LRP1B: variants seen among roughly 807,000 people sequenced by gnomAD.
LRP1B encodes the protein LDL receptor related protein 1B.
In LRP1B, 217 loss-of-function variants were observed where a neutral mutation model predicts 556.6. The ratio of observed to expected loss-of-function variants is 0.39; its 90% confidence interval spans 0.35 to 0.44. The LOEUF is 0.44. LRP1B is among the 20% of genes least tolerant of loss of function. The pLI is 1.00. For synonymous variants in LRP1B, 2,047 were observed against 1,865.8 expected (o/e 1.10, Z -2.50); for missense variants, 5,053 against 5,620.8 (o/e 0.90, Z 3.23).
chr2:141,588,135 G>T (rs1165055782), intron 2 of LRP1B, among the ~76,000 whole-genome samples: 1 of 152,126 alleles, frequency 6.6e-6, no homozygotes, highest in African/African-American at 2.4e-5. Flanking sequence ...AAAAATATAA[G>T]TTATCTTGAG....
chr2:141,514,945 T>C (rs1222060549), intron 2 of LRP1B, among the ~76,000 whole-genome samples: 1 of 152,144 alleles, frequency 6.6e-6, no homozygotes, highest in East Asian at 1.9e-4. Flanking sequence ...TATAAACAAG[T>C]TTCTTTTGAG....
intron 59 of LRP1B, among the ~76,000 whole-genome samples, chr2:140,484,573 T>C (rs1688386954): frequency 6.6e-6 from 1 of 152,184 alleles, no homozygotes; most frequent in African/African-American, 2.4e-5. Context: ...GTTGAACTTC[T>C]CCAAAGATCA....
At chr2:141,252,611 T>G (rs1238025854) in intron 4 of LRP1B, among the ~76,000 whole-genome samples, 1 of 152,170 alleles carries the variant, frequency 6.6e-6, no homozygotes, top group East Asian at 1.9e-4. Context: ...AACTTTAATA[T>G]TATTGGTTTC....
intron 41 of LRP1B, among the ~76,000 whole-genome samples, chr2:140,692,637 A>T (rs965730943): frequency 2.6e-5 from 4 of 152,104 alleles, no homozygotes; most frequent in African/African-American, 7.2e-5. Context: ...GTCCCCTAGC[A>T]TAACTTGTCC....
intron 32 of LRP1B, among the ~76,000 whole-genome samples, chr2:140,806,469 T>C (rs536077178): frequency 1.3e-3 from 193 of 152,192 alleles, no homozygotes; most frequent in African/African-American, 4.5e-3. Flanking sequence ...ACTGTGCATA[T>C]AGTAGAATAG....
At chr2:141,654,148 G>C (rs577207078) in intron 2 of LRP1B, among the ~76,000 whole-genome samples, 11 of 152,300 alleles carry the variant, frequency 7.2e-5, no homozygotes, top group African/African-American at 2.4e-4. Flanking sequence ...GATGAAGCTA[G>C]AGTGGGTCCA....
At chr2:140,360,211 C>T (rs1055308743) in intron 72 of LRP1B, among the ~76,000 whole-genome samples, 3 of 151,504 alleles carry the variant, frequency 2.0e-5, no homozygotes, top group East Asian at 1.9e-4. Flanking sequence ...CTATCTTGCT[C>T]GTGCCAATCC....
chr2:141,484,338 C>A (rs1379084498), intron 2 of LRP1B, among the ~76,000 whole-genome samples: 1 of 149,586 alleles, frequency 6.7e-6, no homozygotes, highest in Non-Finnish European at 1.5e-5. Context: ...ATTTTGGTAC[C>A]AGTACCATGC....
intron 83 of LRP1B, among the ~76,000 whole-genome samples, chr2:140,310,019 G>T (rs1166195387): frequency 2.6e-5 from 4 of 151,848 alleles, no homozygotes; most frequent in African/African-American, 9.6e-5. Context: ...CTCTTGCTGA[G>T]TGTTTCAAAA....
At chr2:141,942,182 T>A (rs1195613171) in intron 1 of LRP1B, among the ~76,000 whole-genome samples, 2 of 152,064 alleles carry the variant, frequency 1.3e-5, no homozygotes, top group Non-Finnish European at 2.9e-5. Flanking sequence ...TGTTCTCTCC[T>A]CAACCAACCT....
At chr2:141,602,238 T>C (rs1687772899) in intron 2 of LRP1B, among the ~76,000 whole-genome samples, 1 of 152,144 alleles carries the variant, frequency 6.6e-6, no homozygotes, top group African/African-American at 2.4e-5. Context: ...CATAAACATT[T>C]TGTAGGGTAA....
chr2:141,923,062 G>GC (rs1474716360), intron 1 of LRP1B, among the ~76,000 whole-genome samples: 1 of 151,982 alleles, frequency 6.6e-6, no homozygotes, highest in Non-Finnish European at 1.5e-5. Context: ...TTGTACCACT[G>GC]CACTCCAGCC....
intron 1 of LRP1B, among the ~76,000 whole-genome samples, chr2:142,096,267 G>A (rs1009957624): frequency 4.6e-5 from 7 of 151,572 alleles, no homozygotes; most frequent in African/African-American, 9.7e-5. Flanking sequence ...ACTAAGACTC[G>A]GTAACAGTGT....
At chr2:140,988,195 G>C (rs935106090) in intron 17 of LRP1B, among the ~76,000 whole-genome samples, 20 of 152,072 alleles carry the variant, frequency 1.3e-4, no homozygotes, top group African/African-American at 4.1e-4. Context: ...GTTAAGTTTA[G>C]GCAAGTTCCC....
At chr2:141,108,890 A>T (rs1469434461) in intron 7 of LRP1B, among the ~76,000 whole-genome samples, 1 of 152,128 alleles carries the variant, frequency 6.6e-6, no homozygotes, top group Non-Finnish European at 1.5e-5. Flanking sequence ...CCCTTCTCTG[A>T]ACTAACCCCC....
chr2:140,581,945 T>G (rs764983860), intron 43 of LRP1B, among the ~76,000 whole-genome samples: 66 of 152,280 alleles, frequency 4.3e-4, no homozygotes, highest in African/African-American at 1.4e-3. Context: ...ATTGTTTCCG[T>G]GTATCCCCTA....
At chr2:141,353,438 G>T (rs1688515279) in intron 3 of LRP1B, among the ~76,000 whole-genome samples, 1 of 151,892 alleles carries the variant, frequency 6.6e-6, no homozygotes, top group Non-Finnish European at 1.5e-5. Context: ...AGTATTGCCT[G>T]ATACACTTTT....
chr2:140,303,012 C>CATATATATAT (rs59878403), intron 83 of LRP1B, among the ~76,000 whole-genome samples: 37 of 82,834 alleles, frequency 4.5e-4, no homozygotes, highest in South Asian at 9.8e-4. Flanking sequence ...AAATCTCCTT[C>CATATATATAT]ATATATATAT....
chr2:141,672,275 A>G (rs1020902842), intron 2 of LRP1B, among the ~76,000 whole-genome samples: 10 of 152,082 alleles, frequency 6.6e-5, no homozygotes, highest in African/African-American at 2.4e-4. Flanking sequence ...TTTGAGGAAG[A>G]GTTGCGCTCC....
Sources: allele counts gnomAD v4.1 joint callset (sites outside exome capture counted in the v4.1 genomes callset), GRCh38; gene constraint gnomAD v4.1.1; transcripts MANE v1.5; gene names NCBI Gene and HGNC (gene_info 2026-07-23, HGNC 2026-07-21).